KCNJ3: variants seen among roughly 807,000 people sequenced by gnomAD.
KCNJ3 encodes G protein-activated inward rectifier potassium channel 1.
A neutral mutation model predicts 39.2 loss-of-function variants in KCNJ3; 4 were observed. That is an observed-to-expected ratio of 0.10 (90% CI 0.05 to 0.23). The LOEUF is 0.23. Ranked by LOEUF, KCNJ3 falls within the 10% of genes least tolerant of loss-of-function variation. The pLI, the probability that KCNJ3 is intolerant of heterozygous loss-of-function variation, is 1.00. For synonymous variants in KCNJ3, 230 were observed against 237.4 expected (o/e 0.97, Z 0.29); for missense variants, 276 against 634.9 (o/e 0.43, Z 6.08).
At chr2:154,716,152 A>T (rs1449982921) in intron 2 of KCNJ3, among the ~76,000 whole-genome samples, 7 of 151,786 alleles carry the variant, frequency 4.6e-5, no homozygotes. Flanking sequence ...GCTGGAGTGC[A>T]GTGGTGCGAT....
chr2:154,790,017 T>A (rs544443719), intron 2 of KCNJ3, among the ~76,000 whole-genome samples: 2 of 152,200 alleles, frequency 1.3e-5, no homozygotes, highest in East Asian at 3.9e-4. Context: ...TAAGAGGCAG[T>A]TTCATTCCCT....
At chr2:154,743,025 A>G (rs1320026123) in intron 2 of KCNJ3, among the ~76,000 whole-genome samples, 1 of 151,704 alleles carries the variant, frequency 6.6e-6, no homozygotes, top group Admixed American at 6.6e-5. Context: ...TCTTTGATTC[A>G]TTTTGATTAT....
chr2:154,806,393 G>A (rs1686911362), intron 2 of KCNJ3, among the ~76,000 whole-genome samples: 1 of 152,144 alleles, frequency 6.6e-6, no homozygotes, highest in Non-Finnish European at 1.5e-5. Context: ...AGGACTAAGG[G>A]CCCAGAACTT....
In KCNJ3 at chr2:154,818,918, C is replaced by CTTTTTTTTTTTTTTTTTTTTTT. The variant is rs57668487; in HGVS notation, c.920-35798_920-35777dup. Among the ~76,000 whole-genome samples, 21 of 52,436 alleles carry CTTTTTTTTTTTTTTTTTTTTTT rather than the reference C, an allele frequency of 4.0e-4. 2 individuals carry two copies. The highest frequency in any genetic ancestry group is 5.0e-4 in the Non-Finnish European group (16 of 32,108). The allele number at this position is 52,436 out of a possible 152,430, so 34.4% of individuals were successfully genotyped here. On this transcript the variant is annotated intron_variant, in intron 2 of 2. Coordinates refer to ENST00000295101, the MANE Select transcript of KCNJ3 (RefSeq NM_002239.4). ...GAGCTTGAGCTGTAGCTGCAAAAGCCTTTTTTTTTTTTTTTTTTTTTTTTT... is the reference window on the plus strand; with the variant it reads ...GAGCTTGAGCTGTAGCTGCAAAAGCCTTTTTTTTTTTTTTTTTTTTTTTTTTTTTTTTTTTTTTTTTTTTTTT...
intron 2 of KCNJ3, among the ~76,000 whole-genome samples, chr2:154,842,387 G>A (rs538383884): frequency 3.9e-4 from 59 of 152,264 alleles, no homozygotes; most frequent in Non-Finnish European, 6.8e-4. Context: ...GAATAAATGC[G>A]ATGTGGTACT....
chr2:154,773,835 T>C (rs962286916), intron 2 of KCNJ3, among the ~76,000 whole-genome samples: 6 of 152,174 alleles, frequency 3.9e-5, no homozygotes, highest in Admixed American at 6.5e-5. Flanking sequence ...TTATGAGATG[T>C]TAACTTTCTT....
At chr2:154,780,783 G>A (rs189894526) in intron 2 of KCNJ3, among the ~76,000 whole-genome samples, 5 of 152,016 alleles carry the variant, frequency 3.3e-5, no homozygotes, top group Admixed American at 6.6e-5. Context: ...CCTCTTTTTC[G>A]AACAAAGAAA....
At chr2:154,770,400 C>G (rs1686218210) in intron 2 of KCNJ3, among the ~76,000 whole-genome samples, 1 of 151,800 alleles carries the variant, frequency 6.6e-6, no homozygotes, top group Non-Finnish European at 1.5e-5. Context: ...CTGGGAGGAG[C>G]ATTTTTGGCA....
chr2:154,752,644 T>G (rs1685866855), intron 2 of KCNJ3, among the ~76,000 whole-genome samples: 1 of 152,048 alleles, frequency 6.6e-6, no homozygotes. Context: ...TTATTTGCTA[T>G]GTCCAAAAAT....
intron 2 of KCNJ3, among the ~76,000 whole-genome samples, chr2:154,760,101 A>G (rs1686011938): frequency 6.6e-6 from 1 of 152,198 alleles, no homozygotes; most frequent in African/African-American, 2.4e-5. Context: ...TACTCTTACC[A>G]GCTATTCATG....
At chr2:154,730,523 A>C (rs2105166890) in intron 2 of KCNJ3, among the ~76,000 whole-genome samples, 1 of 152,338 alleles carries the variant, frequency 6.6e-6, no homozygotes. Context: ...TAACTTAAGT[A>C]GGAAAAATTG....
chr2:154,758,223 A>G (rs1454366115), intron 2 of KCNJ3, among the ~76,000 whole-genome samples: 1 of 151,354 alleles, frequency 6.6e-6, no homozygotes, highest in Non-Finnish European at 1.5e-5. Context: ...TATGGCTAGT[A>G]TGGCACTTGG....
At chr2:154,765,591 A>AT (rs1194963364) in intron 2 of KCNJ3, among the ~76,000 whole-genome samples, 1 of 152,196 alleles carries the variant, frequency 6.6e-6, no homozygotes, top group Admixed American at 6.5e-5. Context: ...TAAAACTAGT[A>AT]TTTTTGAAAC....
At position 154,811,808 on chromosome 2, in the gene KCNJ3, T is replaced by C. The variant is rs992590629; in HGVS notation, c.920-42919T>C. Among the ~76,000 whole-genome samples the C allele has an allele frequency of 1.4e-4, 21 of 152,324 alleles. 1 individual carries two copies. The highest frequency in any genetic ancestry group is 9.8e-4 in the Admixed American group (15 of 15,290). On this transcript the variant is annotated intron_variant, in intron 2 of 2. Coordinates refer to ENST00000295101, the MANE Select transcript of KCNJ3 (RefSeq NM_002239.4). ...TAGAGGAAGACAAATTGTAGGTTTG[T>C]AGCAGAGATGGGTGGTATTTTACTT...
At chr2:154,724,743 C>T (rs545068464) in intron 2 of KCNJ3, among the ~76,000 whole-genome samples, 1 of 151,486 alleles carries the variant, frequency 6.6e-6, no homozygotes, top group South Asian at 2.1e-4. Flanking sequence ...GAGAATAAAA[C>T]CTGCTGCAAT....
rs549019428 is a variant in KCNJ3, at chr2:154,714,976, G to A, written c.919+5157G>A. Reference sequence around the variant, plus strand: ...TGGGAGTGTAGGGAGGTCAGGGAAGGCTGAGTAAACAGGTGATAGTTGAGC... The same window carrying A: ...TGGGAGTGTAGGGAGGTCAGGGAAGACTGAGTAAACAGGTGATAGTTGAGC... On this transcript the variant is annotated intron_variant, in intron 2 of 2. Coordinates refer to ENST00000295101, the MANE Select transcript of KCNJ3 (RefSeq NM_002239.4). 5.9e-5 allele frequency among the ~76,000 whole-genome samples: 9 copies of A among 151,546 alleles called. No homozygotes were observed. In the East Asian group the frequency reaches 1.6e-3, roughly 26 times the overall value.
chr2:154,794,246 A>G (rs1158285586), intron 2 of KCNJ3, among the ~76,000 whole-genome samples: 2 of 152,058 alleles, frequency 1.3e-5, no homozygotes, highest in East Asian at 1.9e-4. Context: ...ATTTCTCTTT[A>G]ATGTTTTTAT....
chr2:154,833,771 T>C (rs1222527615), intron 2 of KCNJ3, among the ~76,000 whole-genome samples: 2 of 152,210 alleles, frequency 1.3e-5, no homozygotes, highest in Non-Finnish European at 2.9e-5. Flanking sequence ...TAGAATGTTA[T>C]ATAGTTGAAA....
chr2:154,766,225 C>T (rs956796908), intron 2 of KCNJ3, among the ~76,000 whole-genome samples: 2 of 152,180 alleles, frequency 1.3e-5, no homozygotes, highest in Non-Finnish European at 2.9e-5. Context: ...TTCAGAATCT[C>T]TGCATTAACC....
Sources: allele counts gnomAD v4.1 joint callset (sites outside exome capture counted in the v4.1 genomes callset), GRCh38; gene constraint gnomAD v4.1.1; transcripts MANE v1.5; gene names NCBI Gene and HGNC (gene_info 2026-07-23, HGNC 2026-07-21).